The following HGFAC variants were observed in gnomAD, a reference collection of about 807,000 sequenced individuals.
HGFAC encodes the protein hepatocyte growth factor activator serine protease.
A neutral mutation model predicts 70.6 loss-of-function variants in HGFAC; 76 were observed. The observed-to-expected ratio is 1.08, with a 90% CI of 0.89 to 1.30. The LOEUF is 1.30. Ranked by LOEUF, HGFAC falls within the 50% of genes most tolerant of loss-of-function variation. The pLI is 0.00. For missense variants in HGFAC, 1,044 were observed against 933.7 expected (o/e 1.12, Z -1.54); for synonymous variants, 464 against 405.3 (o/e 1.14, Z -1.74).
rs376804789 is a variant in HGFAC, at chr4:3,443,249, G to A, written c.396-92G>A. The A allele has an allele frequency of 2.7e-5, 36 of 1,335,920 alleles. No homozygotes were observed. In the South Asian group the frequency reaches 3.8e-4, roughly 14 times the overall value. The allele number at this position is 1,335,920 out of a possible 1,614,324, so 82.8% of individuals were successfully genotyped here. ...AGTAGGCGCTCACCACGCAGCAGGC[G>A]GACCCAGTGAACCCAGAGACCCTCC... On this transcript the variant is annotated intron_variant, in intron 3 of 13. Transcript: ENST00000382774.
chr4:3,448,621 A>G (rs1725616694), intron 13 of HGFAC, among the ~76,000 whole-genome samples: 1 of 152,234 alleles, frequency 6.6e-6, no homozygotes, highest in Non-Finnish European at 1.5e-5. Context: ...GAGTTCTCTC[A>G]AGCCAGCTCT....
chr4:3,443,014 C>T (rs896668830), intron 2 of HGFAC, 36 bp from the exon 3 acceptor site: 21 of 1,553,586 alleles, frequency 1.4e-5, no homozygotes, highest in South Asian at 7.9e-5. Context: ...GGGTGCCCCT[C>T]GAGGGAGCCC....
In HGFAC at chr4:3,445,566, G is replaced by A. The variant is rs569496598; in HGVS notation, c.1102+216G>A. ...CGCTGCAGGGGGCTGGTCACCAGGC[G>A]ACGGCCTCGGGGTGGCACCTGCCCA... On this transcript the variant is annotated intron_variant, in intron 9 of 13. Coordinates refer to ENST00000382774, the MANE Select transcript of HGFAC (RefSeq NM_001528.4). 697 of 607,120 alleles carry A rather than the reference G, an allele frequency of 1.1e-3. 30 individuals carry two copies. The South Asian group carries it at 0.012, about 11-fold the overall frequency. The allele number at this position is 607,120 out of a possible 1,614,324, so 37.6% of individuals were successfully genotyped here.
intron 8 of HGFAC, 120 bp from the exon 9 acceptor site, chr4:3,445,132 CCGAGGGAGGGCCA>C: frequency 2.3e-6 from 3 of 1,304,682 alleles, no homozygotes; most frequent in Non-Finnish European, 3.2e-6. Flanking sequence ...GGGAGGCTGC[CCGAGGGAGGGCCA>C]CTCTCTTCCC....
intron 13 of HGFAC, 128 bp downstream of exon 13, chr4:3,448,404 C>A (rs965866962): frequency 3.4e-6 from 4 of 1,171,072 alleles, no homozygotes; most frequent in Admixed American, 2.5e-5. Flanking sequence ...CAGCCAGGGA[C>A]CCCTGGGCAG....
At chr4:3,447,319 TG>T (rs1160521037) in intron 10 of HGFAC, among the ~76,000 whole-genome samples, 172 bp from the exon 11 acceptor site, 6 of 152,152 alleles carry the variant, frequency 3.9e-5, no homozygotes, top group African/African-American at 1.4e-4. Flanking sequence ...CCCTGCTTGG[TG>T]GTCCCTGTCT....
chr4:3,444,524 T>G (rs1217084758), intron 6 of HGFAC, 82 bp downstream of exon 6: 1 of 1,509,748 alleles, frequency 6.6e-7, no homozygotes. Flanking sequence ...TGGCCTGAGG[T>G]CACCCAGAAA....
intron 2 of HGFAC, 46 bp from the exon 3 acceptor site, chr4:3,443,004 G>A (rs770275985): frequency 1.6e-5 from 24 of 1,529,418 alleles, no homozygotes; most frequent in South Asian, 1.1e-4. Context: ...TGAGGGGCTC[G>A]GGTGCCCCTC....
chr4:3,448,235 C>G lies in HGFAC; in HGVS notation c.1744C>G (p.Leu582Val), dbSNP rs1432582037. Residue 582 changes from leucine to valine, a missense_variant, in exon 13 of 14, where the codon CTC (leucine) becomes GTC (valine). Leu to Val is a conservative substitution (Grantham distance 32, BLOSUM62 1). Coordinates refer to ENST00000382774, the MANE Select transcript of HGFAC (RefSeq NM_001528.4). ...CGGCGCCGACATCAGCCCCAACATG[C>G]TCTGTGCCGGCTACTTCGACTGCAA... is the stretch of plus-strand genomic sequence containing the variant. ...VYGADISPNM[L>V]CAGYFDCKSD... The G allele has an allele frequency of 6.8e-6, 11 of 1,608,846 alleles. No individual in the cohort carries two copies. The South Asian group carries it at 1.1e-4, about 16-fold the overall frequency.
chr4:3,441,143 AG>A (rs1725295078), upstream of HGFAC, among the ~76,000 whole-genome samples: 1 of 152,140 alleles, frequency 6.6e-6, no homozygotes, highest in Non-Finnish European at 1.5e-5. The surrounding 1 kb of genome is among the most constrained non-coding windows in gnomAD (Gnocchi z 6.0). Flanking sequence ...CACAGCCCCA[AG>A]TCACGAATTC....
At chr4:3,447,764 G>C in intron 11 of HGFAC, 131 bp from the exon 12 acceptor site, 1 of 1,517,078 alleles carries the variant, frequency 6.6e-7, no homozygotes, top group East Asian at 2.3e-5. Flanking sequence ...GGAGGACAGG[G>C]CACCGCTCCC....
Position 3,446,227 on chromosome 4 carries a change from A to G in HGFAC, c.1288A>G (p.Ser430Gly), listed in dbSNP as rs760943501. The change falls in exon 10 of 14, where the codon AGC (serine) becomes GGC (glycine). Residue 430 changes from serine (S) to glycine (G), a missense_variant. Coordinates refer to ENST00000382774, the MANE Select transcript of HGFAC (RefSeq NM_001528.4). ...GCTGGCCGCCATCTACATCGGGGAC[A>G]GCTTCTGCGCCGGGAGCCTGGTCCA... is the stretch of plus-strand genomic sequence containing the variant. ...PWLAAIYIGD[S>G]FCAGSLVHTC... 2 of 1,610,512 alleles carry G rather than the reference A, an allele frequency of 1.2e-6. No individual in the cohort carries two copies. The highest frequency in any genetic ancestry group is 1.7e-6 in the Non-Finnish European group (2 of 1,179,006).
intron 4 of HGFAC, 81 bp from the exon 5 acceptor site, chr4:3,443,958 C>A: frequency 6.9e-7 from 1 of 1,443,966 alleles, no homozygotes; most frequent in African/African-American, 1.4e-5. Context: ...GCCTGATGGA[C>A]GCCTTAGCAA....
At chr4:3,441,858 A>T, upstream of HGFAC, 1 of 527,684 alleles carries the variant, frequency 1.9e-6, no homozygotes, top group Non-Finnish European at 3.3e-6. This position sits in a 1 kb window ranked among gnomAD's most constrained non-coding sequence, Gnocchi z 6.0. Flanking sequence ...TGTGGGGGCC[A>T]GGGGACTCGG....
In HGFAC at chr4:3,442,898, G is replaced by A. The variant is rs1281892381; in HGVS notation, c.284G>A (p.Ser95Asn). The A allele has an allele frequency of 6.4e-7, 1 of 1,561,574 alleles. No homozygotes were observed. The highest frequency in any genetic ancestry group is 2.3e-5 in the East Asian group (1 of 43,792). The change falls in exon 2 of 14, where the codon AGC (serine) becomes AAC (asparagine). Residue 95 changes from serine to asparagine, a missense_variant. Physicochemically the swap from Ser to Asn is conservative, Grantham distance 46. Coordinates refer to ENST00000382774, the MANE Select transcript of HGFAC (RefSeq NM_001528.4). ...CCCAGGGCAGTTCCCTCGAGCAGTA[G>A]CCCCCAGGCCCAAGGTGGGTCAGGT... ...PPPRAVPSSS[S>N]PQAQALTEDG... is the part of the protein sequence containing the mutation.
At chr4:3,443,930 T>A in intron 4 of HGFAC, 109 bp from the exon 5 acceptor site, 1 of 1,257,990 alleles carries the variant, frequency 7.9e-7, no homozygotes, top group East Asian at 2.5e-5. Flanking sequence ...CCCTTTGCTC[T>A]CAGAGCCCCT....
chr4:3,444,643 C>T lies in HGFAC; in HGVS notation c.751C>T (p.Leu251=). The T allele has an allele frequency of 1.3e-6, 2 of 1,597,290 alleles. No individual in the cohort carries two copies. Among genetic ancestry groups the T allele is most frequent in the Non-Finnish European group, 1.7e-6 (2 of 1,177,866 alleles). The change falls in exon 7 of 14, where the codon CTG becomes TTG. Residue 251 remains leucine, a synonymous_variant. Coordinates refer to ENST00000382774, the MANE Select transcript of HGFAC (RefSeq NM_001528.4). ...RHTACLSSPC[L]NGGTCHLIVA... The stretch of plus-strand genomic sequence containing the variant: ...CCCAGCTTGTCTGAGCAGCCCTTGC[C>T]TGAACGGGGGCACCTGCCACCTGAT...
At chr4:3,447,673 C>T in intron 11 of HGFAC, 42 bp downstream of exon 11, 1 of 1,607,886 alleles carries the variant, frequency 6.2e-7, no homozygotes, top group Non-Finnish European at 8.5e-7. Flanking sequence ...GGCAGGTGGG[C>T]CCTGTGCTCC....
chr4:3,445,821 A>T (rs529706475), intron 9 of HGFAC: 2 of 1,490,122 alleles, frequency 1.3e-6, no homozygotes, highest in South Asian at 1.2e-5. Context: ...CCGTGTGTCC[A>T]GCCCCTCTGG....
Sources: allele counts gnomAD v4.1 joint callset (sites outside exome capture counted in the v4.1 genomes callset), GRCh38; gene constraint gnomAD v4.1.1; non-coding constraint Gnocchi (gnomAD v3.1); transcripts MANE v1.5; gene names NCBI Gene and HGNC (gene_info 2026-07-23, HGNC 2026-07-21).